Variants in PRSS35 observed in about 807,000 individuals in gnomAD.
PRSS35 encodes the protein inactive serine protease 35.
PRSS35 carries 7 observed loss-of-function variants against 8.1 expected under a neutral mutation model. That is an observed-to-expected ratio of 0.86 (90% CI 0.49 to 1.62). The LOEUF is 1.62. Among genes scored for constraint, PRSS35 ranks in the 40% most tolerant of loss-of-function variants. The pLI is 0.00. For missense variants in PRSS35, 566 were observed against 518.0 expected (o/e 1.09, Z -0.90); for synonymous variants, 199 against 188.7 (o/e 1.05, Z -0.45).
chr6:83,523,965 A>G lies in PRSS35; in HGVS notation c.524A>G (p.Lys175Arg). 6.2e-7 allele frequency: 1 copy of G among 1,614,206 alleles called. No homozygotes were observed. Among genetic ancestry groups the G allele is most frequent in the Non-Finnish European group, 8.5e-7 (1 of 1,180,040 alleles). Residue 175 changes from lysine to arginine, a missense_variant, in exon 2 of 2, where the codon AAG becomes AGG. By Grantham distance (26) the Lys-to-Arg change is conservative (BLOSUM62 2). Coordinates refer to ENST00000369700, the MANE Select transcript of PRSS35 (RefSeq NM_153362.3). ...LTAAHCVHDG[K>R]DYVKGSKKLR... ...GCTGCCCACTGTGTTCATGATGGAA[A>G]GGACTATGTCAAAGGGAGTAAAAAG...
At position 83,523,781 on chromosome 6, in the gene PRSS35, A is replaced by G; in HGVS notation, c.340A>G (p.Lys114Glu). ...VLEPTQNITT[K>E]GVSVRRKRQV... Reference sequence around the variant, plus strand: ...TGAGCCGACTCAAAATATCACCACAAAGGGAGTATCTGTTAGGAGAAAGAG... The same window carrying G: ...TGAGCCGACTCAAAATATCACCACAGAGGGAGTATCTGTTAGGAGAAAGAG... The change falls in exon 2 of 2, where the codon AAG becomes GAG. Residue 114 changes from lysine to glutamate, a missense_variant. Coordinates refer to ENST00000369700, the MANE Select transcript of PRSS35 (RefSeq NM_153362.3). The G allele has an allele frequency of 1.9e-6, 3 of 1,614,196 alleles. No homozygotes were observed. Among genetic ancestry groups the G allele is most frequent in the Non-Finnish European group, 2.5e-6 (3 of 1,180,042 alleles).
chr6:83,521,713 T>A (rs946545713), intron 1 of PRSS35, among the ~76,000 whole-genome samples: 1 of 151,916 alleles, frequency 6.6e-6, no homozygotes, highest in African/African-American at 2.4e-5. Flanking sequence ...TGTTGCCCAA[T>A]CTGGTCTTGA....
intron 1 of PRSS35, among the ~76,000 whole-genome samples, chr6:83,515,578 C>A (rs1771697671): frequency 6.6e-6 from 1 of 152,084 alleles, no homozygotes; most frequent in African/African-American, 2.4e-5. Context: ...AATCACAGCT[C>A]ACTGCAGCGT....
At chr6:83,518,155 C>T (rs1165438559) in intron 1 of PRSS35, among the ~76,000 whole-genome samples, 3 of 152,170 alleles carry the variant, frequency 2.0e-5, no homozygotes, top group African/African-American at 4.8e-5. Flanking sequence ...ATATAGTGGG[C>T]AGCCATCTAA....
chr6:83,523,528 G>A lies in PRSS35; in HGVS notation c.87G>A (p.Trp29Ter). ...CTGAAATGGAATGGGATTTTATGTGGCACTTGAGAAAGGTACCCCGGATTG... is the reference window on the plus strand; with the variant it reads ...CTGAAATGGAATGGGATTTTATGTGACACTTGAGAAAGGTACCCCGGATTG... ...DGSEMEWDFM[W>*]HLRKVPRIVS... is the part of the protein sequence containing the mutation. Residue 29 changes from tryptophan (W) to a stop codon, truncating the protein, a stop_gained, in exon 2 of 2, where the codon TGG becomes TGA. Transcript: ENST00000369700. LOFTEE classifies it low-confidence loss of function (END_TRUNC). 1 of 1,614,168 alleles carries A rather than the reference G, an allele frequency of 6.2e-7. No homozygotes were observed. The highest frequency in any genetic ancestry group is 8.5e-7 in the Non-Finnish European group (1 of 1,180,022).
intron 1 of PRSS35, among the ~76,000 whole-genome samples, chr6:83,515,671 A>G (rs1771699215): frequency 6.6e-6 from 1 of 152,068 alleles, no homozygotes; most frequent in Admixed American, 6.5e-5. Flanking sequence ...TTGTAGAGAC[A>G]GGGTCTCCCT....
intron 1 of PRSS35, among the ~76,000 whole-genome samples, chr6:83,522,799 AATTT>A (rs1250870824): frequency 6.6e-6 from 1 of 152,210 alleles, no homozygotes; most frequent in Non-Finnish European, 1.5e-5. Flanking sequence ...ATTAATTAGC[AATTT>A]ATTTATTGCT....
chr6:83,514,244 C>T (rs919555172), intron 1 of PRSS35, among the ~76,000 whole-genome samples: 1 of 152,152 alleles, frequency 6.6e-6, no homozygotes, highest in African/African-American at 2.4e-5. Context: ...ATGCTGTGCA[C>T]TTCATAAGGC....
At chr6:83,518,600 C>T (rs1039478055) in intron 1 of PRSS35, among the ~76,000 whole-genome samples, 37 of 151,940 alleles carry the variant, frequency 2.4e-4, no homozygotes, top group Non-Finnish European at 4.7e-4. Context: ...TGTCCTTGAA[C>T]GAAAAACAAA....
At chr6:83,520,290 T>C (rs1771797266) in intron 1 of PRSS35, among the ~76,000 whole-genome samples, 2 of 152,166 alleles carry the variant, frequency 1.3e-5, no homozygotes, top group Admixed American at 1.3e-4. Context: ...CACCAGAGCC[T>C]TGGCTACTGT....
At chr6:83,516,136 C>T (rs1182060169) in intron 1 of PRSS35, among the ~76,000 whole-genome samples, 2 of 152,108 alleles carry the variant, frequency 1.3e-5, no homozygotes, top group African/African-American at 4.8e-5. Context: ...TACTTTCTTT[C>T]TAAACAGTCA....
At chr6:83,523,210 G>A (rs1267595567) in intron 1 of PRSS35, among the ~76,000 whole-genome samples, 1 of 152,124 alleles carries the variant, frequency 6.6e-6, no homozygotes, top group African/African-American at 2.4e-5. Context: ...GCTGGTGGAG[G>A]GAAGTTTGGG....
At chr6:83,512,863 C>T (rs1011124966) in intron 1 of PRSS35, among the ~76,000 whole-genome samples, 169 bp downstream of exon 1, 1 of 152,200 alleles carries the variant, frequency 6.6e-6, no homozygotes, top group African/African-American at 2.4e-5. Context: ...ATAGGCAATT[C>T]TGTGTGCCGG....
At position 83,524,684 on chromosome 6, in the gene PRSS35, C is replaced by CA; in HGVS notation, c.*2dup. ...CGATGCCAATTGTGCTTACGGCTAA[C>CA]AGAGACCTGAAACAGGGCGGTGTAT... On this transcript the variant is annotated 3_prime_UTR_variant, in exon 2 of 2. Coordinates refer to ENST00000369700, the MANE Select transcript of PRSS35 (RefSeq NM_153362.3). 3 of 1,598,332 alleles carry CA rather than the reference C, an allele frequency of 1.9e-6. No homozygotes were observed. In the East Asian group the frequency reaches 6.7e-5, roughly 36 times the overall value.
At chr6:83,518,487 CTTAAGT>C (rs912288012) in intron 1 of PRSS35, among the ~76,000 whole-genome samples, 2 of 151,136 alleles carry the variant, frequency 1.3e-5, no homozygotes, top group African/African-American at 4.9e-5. Flanking sequence ...TTTAATCACA[CTTAAGT>C]TTAATAGCAA....
chr6:83,517,930 A>T (rs992252607), intron 1 of PRSS35, among the ~76,000 whole-genome samples: 1 of 152,210 alleles, frequency 6.6e-6, no homozygotes, highest in Non-Finnish European at 1.5e-5. Context: ...TGTTTGATGG[A>T]TCAATGCAAA....
At chr6:83,513,541 G>T (rs557039833) in intron 1 of PRSS35, among the ~76,000 whole-genome samples, 2 of 152,288 alleles carry the variant, frequency 1.3e-5, no homozygotes, top group Admixed American at 1.3e-4. Flanking sequence ...TATTTTGCTG[G>T]CTGGAGAATT....
chr6:83,515,181 C>G (rs1771688992), intron 1 of PRSS35, among the ~76,000 whole-genome samples: 1 of 152,142 alleles, frequency 6.6e-6, no homozygotes, highest in Non-Finnish European at 1.5e-5. Flanking sequence ...TACTCTAGAA[C>G]TTTAAAGCTG....
intron 1 of PRSS35, among the ~76,000 whole-genome samples, chr6:83,513,864 A>G (rs1771667491): frequency 6.6e-6 from 1 of 151,870 alleles, no homozygotes; most frequent in Admixed American, 6.6e-5. Flanking sequence ...GTGTGAGTTA[A>G]TTTTCTCCAT....
Sources: allele counts gnomAD v4.1 joint callset (sites outside exome capture counted in the v4.1 genomes callset), GRCh38; gene constraint gnomAD v4.1.1; transcripts MANE v1.5; gene names NCBI Gene and HGNC (gene_info 2026-07-23, HGNC 2026-07-21).